Variants in NPM1 observed in about 807,000 individuals in gnomAD.
The protein encoded by NPM1 is nucleophosmin.
In NPM1, 1 loss-of-function variant was observed where a neutral mutation model predicts 44.1. That is an observed-to-expected ratio of 0.02 (90% CI 0.01 to 0.11). NPM1 has a LOEUF of 0.11. NPM1 is among the 10% of genes least tolerant of loss of function. NPM1 has a pLI of 1.00. For missense variants in NPM1, 197 were observed against 347.8 expected (o/e 0.57, Z 3.45); for synonymous variants, 126 against 111.8 (o/e 1.13, Z -0.80).
At position 171,400,702 on chromosome 5, in the gene NPM1, T is replaced by TC. The variant is rs974927060; in HGVS notation, c.583-134dup. The TC allele has an allele frequency of 5.1e-6, 3 of 592,518 alleles. No homozygotes were observed. In the African/African-American group the frequency reaches 5.7e-5, roughly 11 times the overall value. 36.7% of individuals were successfully genotyped at this position (592,518 alleles called of 1,614,324 possible). On this transcript the variant is annotated intron_variant, in intron 7 of 10. Transcript: ENST00000296930. ...ACCTCGTGATCCACCTGCCTCGGCC[T>TC]CCCAAAGTCCTGGGATTACAGGCAT... is the stretch of plus-strand genomic sequence containing the variant.
At chr5:171,396,189 C>T (rs1346647423) in intron 6 of NPM1, among the ~76,000 whole-genome samples, 1 of 152,144 alleles carries the variant, frequency 6.6e-6, no homozygotes, top group Non-Finnish European at 1.5e-5. Context: ...CCATGTTGGT[C>T]AGGCTAGTCT....
At position 171,392,667 on chromosome 5, in the gene NPM1, C is replaced by A. The variant is rs199638220; in HGVS notation, c.353-43C>A. 7 of 1,238,612 alleles carry A rather than the reference C, an allele frequency of 5.7e-6. No homozygotes were observed. The East Asian group carries it at 1.0e-4, about 18-fold the overall frequency. 76.7% of individuals were successfully genotyped at this position (1,238,612 alleles called of 1,614,324 possible). On this transcript the variant is annotated intron_variant, in intron 4 of 10. Coordinates refer to ENST00000296930, the MANE Select transcript of NPM1 (RefSeq NM_002520.7). ...TCAGTGTTCTTTTTTTTTCTGACTT[C>A]TTGCTGCTTGAGTTTTATAATGTCT...
chr5:171,387,929 T>A lies in NPM1; in HGVS notation c.-20T>A. The A allele has an allele frequency of 1.9e-6, 3 of 1,609,996 alleles. No individual in the cohort carries two copies. Among genetic ancestry groups the A allele is most frequent in the Non-Finnish European group, 2.5e-6 (3 of 1,177,986 alleles). ...ATCTCCGTCCGCCTTCTCTCCTACC[T>A]AAGTGCGTGCCGCCACCCGATGGAA... On this transcript the variant is annotated 5_prime_UTR_variant, in exon 1 of 11. Coordinates refer to ENST00000296930, the MANE Select transcript of NPM1 (RefSeq NM_002520.7).
chr5:171,401,177 G>A (rs777233494), intron 8 of NPM1, among the ~76,000 whole-genome samples: 4 of 151,970 alleles, frequency 2.6e-5, no homozygotes, highest in Admixed American at 6.6e-5. Context: ...GGCCAACATC[G>A]TGAAACCCTG....
rs182852031 is a variant in NPM1 at position 171,393,004 on chromosome 5, A to G, written c.524+26A>G. 512 of 1,601,276 alleles carry G rather than the reference A, an allele frequency of 3.2e-4. 3 individuals are homozygous for G. The African/African-American group carries it at 5.9e-3, about 18-fold the overall frequency. ...GTAAGTATGATTTTAGAAACTTGATATACTTCCGGAATCTTGACAAAAAAA... is the reference window on the plus strand; with the variant it reads ...GTAAGTATGATTTTAGAAACTTGATGTACTTCCGGAATCTTGACAAAAAAA... On this transcript the variant is annotated intron_variant, in intron 6 of 10. Transcript: ENST00000296930.
At chr5:171,404,708 G>A (rs371763035) in intron 8 of NPM1, among the ~76,000 whole-genome samples, 2 of 144,428 alleles carry the variant, frequency 1.4e-5, no homozygotes, top group East Asian at 2.1e-4. Flanking sequence ...GCCAGGCAGA[G>A]ACACTCCTCA....
chr5:171,391,926 G>A, intron 4 of NPM1, 127 bp downstream of exon 4: 1 of 442,748 alleles, frequency 2.3e-6, no homozygotes, highest in Non-Finnish European at 4.0e-6. Context: ...TGTGAGTCTA[G>A]AAATTGGAGA....
chr5:171,396,740 G>C (rs1409023125), intron 6 of NPM1, among the ~76,000 whole-genome samples: 1 of 152,086 alleles, frequency 6.6e-6, no homozygotes, highest in Non-Finnish European at 1.5e-5. Context: ...CAGCACTTTG[G>C]GTGGTCGATG....
At chr5:171,407,442 A>AG (rs1771630885) in intron 9 of NPM1, 2 of 466,744 alleles carry the variant, frequency 4.3e-6, no homozygotes, top group Non-Finnish European at 7.5e-6. Flanking sequence ...TCTCAAGTGT[A>AG]GCTTATATTT....
At chr5:171,406,598 T>C in intron 9 of NPM1, 1 of 1,394,694 alleles carries the variant, frequency 7.2e-7, no homozygotes, top group South Asian at 1.8e-5. Flanking sequence ...TAAAGCACTT[T>C]CTTCTGACTG....
intron 8 of NPM1, among the ~76,000 whole-genome samples, chr5:171,403,729 C>CA (rs1771386477): frequency 7.2e-6 from 1 of 139,308 alleles, no homozygotes; most frequent in Non-Finnish European, 1.6e-5. Context: ...GCCGGCCGGG[C>CA]GGGGGGCTGA....
chr5:171,405,583 T>C (rs1771521657), intron 9 of NPM1, 180 bp downstream of exon 9: 1 of 598,402 alleles, frequency 1.7e-6, no homozygotes, highest in Non-Finnish European at 3.0e-6. Flanking sequence ...TCTGTGGTGA[T>C]TTTTGCATAT....
chr5:171,395,546 C>T (rs1440162750), intron 6 of NPM1, among the ~76,000 whole-genome samples: 1 of 152,086 alleles, frequency 6.6e-6, no homozygotes, highest in African/African-American at 2.4e-5. Flanking sequence ...GGATTACAGG[C>T]GTGAGCCACC....
At chr5:171,408,688 A>G (rs1337763206) in intron 10 of NPM1, among the ~76,000 whole-genome samples, 1 of 152,190 alleles carries the variant, frequency 6.6e-6, no homozygotes, top group Middle Eastern at 3.2e-3. Flanking sequence ...CCTAAAGTTT[A>G]AAGTGTGAGT....
intron 6 of NPM1, among the ~76,000 whole-genome samples, chr5:171,393,801 GA>G (rs1282226138): frequency 6.6e-6 from 1 of 152,108 alleles, no homozygotes; most frequent in Non-Finnish European, 1.5e-5. Flanking sequence ...GATGAAGGCA[GA>G]AAACAGGAAA....
intron 8 of NPM1, among the ~76,000 whole-genome samples, chr5:171,405,034 C>T (rs942576423): frequency 2.6e-5 from 4 of 152,088 alleles, no homozygotes; most frequent in Admixed American, 1.3e-4. Context: ...AGCTGCTGGG[C>T]TTAAGCAATC....
Position 171,387,982 on chromosome 5 carries a change from C to T in NPM1, c.34C>T (p.Leu12=), listed in dbSNP as rs935491400. Residue 12 remains leucine (L), a synonymous_variant, in exon 1 of 11, where the codon CTG becomes TTG. Transcript: ENST00000296930. ...EDSMDMDMSP[L]RPQNYLFGCE... is the part of the protein sequence containing the mutation. ...TTCGATGGACATGGACATGAGCCCC[C>T]TGAGGCCCCAGAACTATCTTTTCGG... 14 of 1,612,350 alleles carry T rather than the reference C, an allele frequency of 8.7e-6. No individual in the cohort carries two copies. The East Asian group carries it at 1.8e-4, about 21-fold the overall frequency.
chr5:171,397,052 C>T (rs1178494065), intron 6 of NPM1, among the ~76,000 whole-genome samples: 1 of 152,174 alleles, frequency 6.6e-6, no homozygotes, highest in Non-Finnish European at 1.5e-5. Flanking sequence ...CATTTCATCA[C>T]CTCAATGAGA....
chr5:171,395,696 A>T (rs1392739057), intron 6 of NPM1, among the ~76,000 whole-genome samples: 1 of 152,244 alleles, frequency 6.6e-6, no homozygotes, highest in African/African-American at 2.4e-5. Context: ...ATAGATGGCA[A>T]TGAAAATGCA....
Sources: gnomAD v4.1 joint callset for allele counts (sites outside exome capture counted in the v4.1 genomes callset) on GRCh38, gnomAD v4.1.1 for gene constraint, MANE v1.5 for transcripts, NCBI Gene and HGNC (gene_info 2026-07-23, HGNC 2026-07-21) for gene names.